Variants in BICDL1 observed in about 807,000 individuals in gnomAD.
BICDL1 encodes the protein BICD family like cargo adaptor 1.
Under a neutral mutation model 76.8 loss-of-function variants are expected in BICDL1, and 20 were observed. The ratio of observed to expected loss-of-function variants is 0.26; its 90% confidence interval spans 0.18 to 0.38. The LOEUF is 0.38. BICDL1 is among the 10% of genes least tolerant of loss of function. BICDL1 has a pLI of 1.00. For synonymous variants in BICDL1, 383 were observed against 337.1 expected, an observed-to-expected ratio of 1.14 and a Z score of -1.49; for missense variants, 700 against 798.6, an observed-to-expected ratio of 0.88 and a Z score of 1.49.
chr12:120,061,144 A>C (rs1256768271), intron 2 of BICDL1, among the ~76,000 whole-genome samples: 4 of 152,168 alleles, frequency 2.6e-5, no homozygotes, highest in Non-Finnish European at 5.9e-5. Context: ...GGAAACAGGC[A>C]CCTCTGCTGG....
At chr12:120,090,749 G>C (rs1874886015) in intron 9 of BICDL1, 2 of 468,444 alleles carry the variant, frequency 4.3e-6, no homozygotes, top group Non-Finnish European at 7.6e-6. Context: ...CCCGTGGAGG[G>C]CAGGTTGTTG....
chr12:119,995,155 A>C (rs1256441532), intron 1 of BICDL1, among the ~76,000 whole-genome samples: 3 of 152,260 alleles, frequency 2.0e-5, no homozygotes, highest in African/African-American at 7.2e-5. Context: ...GAAGGAGAGC[A>C]TAAGCAGAAC....
Position 120,091,444 on chromosome 12 carries a change from A to C in BICDL1, c.1704+1373A>C, listed in dbSNP as rs1194800191. ...CCTTTAGCATTCCTACATTGGATTT[A>C]GCGTAGATTTTACTGAGCACGTCGT... On this transcript the variant is annotated intron_variant, in intron 9 of 9. Coordinates refer to ENST00000548673, the MANE Select transcript of BICDL1 (RefSeq NM_001367886.1). 3.0e-6 allele frequency: 3 copies of C among 1,002,080 alleles called. No individual in the cohort carries two copies. The African/African-American group carries it at 5.2e-5, about 17-fold the overall frequency. The allele number at this position is 1,002,080 out of a possible 1,614,324, so 62.1% of individuals were successfully genotyped here.
intron 2 of BICDL1, among the ~76,000 whole-genome samples, chr12:120,043,854 A>G (rs1366485388): frequency 6.6e-6 from 1 of 152,222 alleles, no homozygotes; most frequent in Non-Finnish European, 1.5e-5. Context: ...TAGGGAAGCA[A>G]AGATAAATAG....
At chr12:120,058,555 G>A (rs1953031145) in intron 2 of BICDL1, among the ~76,000 whole-genome samples, 1 of 151,278 alleles carries the variant, frequency 6.6e-6, no homozygotes, top group Non-Finnish European at 1.5e-5. Context: ...GTGATTTCCT[G>A]ATGGGCCAGC....
chr12:120,061,694 G>A lies in BICDL1; in HGVS notation c.646-16G>A, dbSNP rs915244212. ...CATAACCTCCGAATCAGCTCTGCAG[G>A]TCTCCTCTGTTTCAGGCATCAGAAG... On this transcript the variant is annotated splice_polypyrimidine_tract_variant and intron_variant, in intron 2 of 9. Transcript: ENST00000548673. 1.9e-6 allele frequency: 3 copies of A among 1,563,304 alleles called. No individual in the cohort carries two copies. In the African/African-American group the frequency reaches 4.1e-5, roughly 21 times the overall value.
At chr12:120,058,968 C>T (rs1453877835) in intron 2 of BICDL1, among the ~76,000 whole-genome samples, 2 of 151,608 alleles carry the variant, frequency 1.3e-5, no homozygotes, top group Non-Finnish European at 2.9e-5. Context: ...AAATTGGACT[C>T]GTGTAAAGTT....
At chr12:120,003,060 A>G (rs1951787551) in intron 2 of BICDL1, among the ~76,000 whole-genome samples, 2 of 151,622 alleles carry the variant, frequency 1.3e-5, no homozygotes, top group Non-Finnish European at 2.9e-5. Flanking sequence ...GGGGAGTCTG[A>G]TGCAGGAGAA....
chr12:120,090,976 T>C, intron 9 of BICDL1: 1 of 1,288,808 alleles, frequency 7.8e-7, no homozygotes, highest in South Asian at 1.2e-5. Context: ...CTTTCTCAGT[T>C]CCCGTATCAA....
chr12:120,090,868 G>A (rs887068510), intron 9 of BICDL1: 37 of 1,287,456 alleles, frequency 2.9e-5, no homozygotes, highest in Non-Finnish European at 3.7e-5. Flanking sequence ...AGCTGGCCGC[G>A]CCCTGGCTGA....
chr12:119,999,653 G>A, intron 2 of BICDL1: 1 of 287,682 alleles, frequency 3.5e-6, no homozygotes, highest in East Asian at 1.0e-4. Context: ...TTTCAAGGAA[G>A]GAGGTTGAGG....
At chr12:120,063,267 C>T (rs979191561) in intron 3 of BICDL1, among the ~76,000 whole-genome samples, 2 of 152,186 alleles carry the variant, frequency 1.3e-5, no homozygotes, top group Admixed American at 1.3e-4. Context: ...GGTAACTTTG[C>T]TTCAGTGTAG....
At chr12:119,996,051 T>A (rs1001493424) in intron 1 of BICDL1, among the ~76,000 whole-genome samples, 3 of 151,980 alleles carry the variant, frequency 2.0e-5, no homozygotes, top group Non-Finnish European at 4.4e-5. Flanking sequence ...GAGCAAAAAA[T>A]TCTCATACTG....
In BICDL1 at chr12:120,042,804, C is replaced by CAA. The variant is rs538558620; in HGVS notation, c.646-18892_646-18891dup. Among the ~76,000 whole-genome samples, 298 of 120,690 alleles carry CAA rather than the reference C, an allele frequency of 2.5e-3. 4 individuals carry two copies. Among genetic ancestry groups the CAA allele is most frequent in the Non-Finnish European group, 3.6e-3 (201 of 55,504 alleles). The allele number at this position is 120,690 out of a possible 152,430, so 79.2% of individuals were successfully genotyped here. A position where few individuals can be genotyped will look rare whatever the true frequency, so the allele number is the denominator to read the frequency against. On this transcript the variant is annotated intron_variant, in intron 2 of 9. Transcript: ENST00000548673. ...TGGGCGACAGAGCGAGACTCCCCCT[C>CAA]AAAAAAAAAAAAAAAGACGAAGAAC...
intron 4 of BICDL1, among the ~76,000 whole-genome samples, chr12:120,068,118 T>G (rs1381422993): frequency 3.9e-5 from 6 of 152,164 alleles, no homozygotes; most frequent in African/African-American, 1.4e-4. Flanking sequence ...CTTTCTCCCT[T>G]CATGAGAACT....
chr12:120,003,115 G>C (rs1003244844), intron 2 of BICDL1, among the ~76,000 whole-genome samples: 1 of 149,968 alleles, frequency 6.7e-6, no homozygotes, highest in African/African-American at 2.5e-5. Context: ...CCGAAATTGT[G>C]CCACTGCACT....
intron 2 of BICDL1, among the ~76,000 whole-genome samples, chr12:120,022,436 A>G (rs934531770): frequency 8.9e-5 from 13 of 146,788 alleles, no homozygotes; most frequent in African/African-American, 3.2e-4. Flanking sequence ...TTTATATTAT[A>G]TATAATATAT....
intron 2 of BICDL1, among the ~76,000 whole-genome samples, chr12:120,049,398 T>C (rs191768583): frequency 5.9e-5 from 9 of 152,352 alleles, no homozygotes; most frequent in Admixed American, 2.6e-4. Context: ...TGTCTTTTCA[T>C]ATTACATTTT....
chr12:120,065,198 A>AAAG (rs765702974), intron 4 of BICDL1, among the ~76,000 whole-genome samples: 6 of 152,228 alleles, frequency 3.9e-5, no homozygotes, highest in Non-Finnish European at 5.9e-5. Context: ...AGCATTTGCG[A>AAAG]AATCTGCTAG....
Sources: allele counts gnomAD v4.1 joint callset (sites outside exome capture counted in the v4.1 genomes callset), GRCh38; gene constraint gnomAD v4.1.1; transcripts MANE v1.5; gene names NCBI Gene and HGNC (gene_info 2026-07-23, HGNC 2026-07-21).